ALX4: variants seen among roughly 807,000 people sequenced by gnomAD.
ALX4 encodes the protein ALX homeobox 4.
ALX4 carries 22 observed loss-of-function variants against 40.6 expected under a neutral mutation model. That is an observed-to-expected ratio of 0.54 (90% confidence interval 0.39 to 0.77). The LOEUF (loss-of-function observed/expected upper bound fraction) is 0.77. Ranked by LOEUF, ALX4 falls within the 30% of genes least tolerant of loss-of-function variation. ALX4 has a pLI of 0.00. For synonymous variants in ALX4, 266 were observed against 240.5 expected (o/e 1.11, Z -0.98); for missense variants, 556 against 564.8 (o/e 0.98, Z 0.16).
chr11:44,304,130 C>A (rs1165417175), intron 1 of ALX4, among the ~76,000 whole-genome samples: 1 of 152,232 alleles, frequency 6.6e-6, no homozygotes, highest in African/African-American at 2.4e-5. Flanking sequence ...ACTCGAATTC[C>A]CCCGGACGGT....
intron 1 of ALX4, among the ~76,000 whole-genome samples, chr11:44,299,208 C>T (rs1243182962): frequency 6.6e-6 from 1 of 152,166 alleles, no homozygotes; most frequent in African/African-American, 2.4e-5. Context: ...ACACTGTTTT[C>T]ACCTGGTACA....
rs376760377 is a variant in ALX4 at position 44,293,376 on chromosome 11, C to T, written c.466+16221G>A. 7.3e-5 allele frequency among the ~76,000 whole-genome samples: 11 copies of T among 150,918 alleles called. No individual in the cohort carries two copies. In the East Asian group the frequency reaches 2.2e-3, roughly 30 times the overall value. Reference sequence around the variant, plus strand: ...GGCGGATCACCTGAGGTCAGGAGTTCGAGACCAGCCTGGCCAACATGGCAA... The same window carrying T: ...GGCGGATCACCTGAGGTCAGGAGTTTGAGACCAGCCTGGCCAACATGGCAA... On this transcript the variant is annotated intron_variant, in intron 1 of 3. Transcript: ENST00000652299.
At chr11:44,307,187 G>T (rs1956473972) in intron 1 of ALX4, among the ~76,000 whole-genome samples, 1 of 152,148 alleles carries the variant, frequency 6.6e-6, no homozygotes, top group Non-Finnish European at 1.5e-5. Context: ...GGCAGGGGTA[G>T]CGGGGGCTCT....
chr11:44,307,093 G>A (rs1030501367), intron 1 of ALX4, among the ~76,000 whole-genome samples: 2 of 150,224 alleles, frequency 1.3e-5, no homozygotes, highest in East Asian at 4.0e-4. Context: ...GCAGGGACTT[G>A]CCCTGTCCTC....
intron 1 of ALX4, among the ~76,000 whole-genome samples, chr11:44,306,625 C>T (rs188538609): frequency 3.3e-5 from 5 of 152,378 alleles, no homozygotes; most frequent in Admixed American, 2.6e-4. Context: ...GCACCAAGGC[C>T]GCCCCTGCCT....
chr11:44,282,470 T>C (rs757438562), intron 1 of ALX4, among the ~76,000 whole-genome samples: 1 of 152,170 alleles, frequency 6.6e-6, no homozygotes, highest in Non-Finnish European at 1.5e-5. Flanking sequence ...CCTAGGTATT[T>C]ACCCTACAGA....
At chr11:44,285,364 A>G (rs901216568) in intron 1 of ALX4, among the ~76,000 whole-genome samples, 1 of 152,254 alleles carries the variant, frequency 6.6e-6, no homozygotes, top group African/African-American at 2.4e-5. Flanking sequence ...TAGCGAGAAC[A>G]ATCACTATTT....
At chr11:44,271,954 A>G (rs973934936) in intron 2 of ALX4, among the ~76,000 whole-genome samples, 2 of 152,198 alleles carry the variant, frequency 1.3e-5, no homozygotes, top group African/African-American at 4.8e-5. Context: ...CCACACCAAC[A>G]CAGCACCTAC....
intron 1 of ALX4, among the ~76,000 whole-genome samples, chr11:44,291,841 C>T (rs929110273): frequency 2.6e-5 from 4 of 152,190 alleles, no homozygotes; most frequent in Admixed American, 1.3e-4. Flanking sequence ...TTTATAGAGA[C>T]GGAGTCTCGC....
chr11:44,308,449 A>G (rs1956482331), intron 1 of ALX4, among the ~76,000 whole-genome samples: 1 of 152,166 alleles, frequency 6.6e-6, no homozygotes, highest in African/African-American at 2.4e-5. Flanking sequence ...TCTTCCCACC[A>G]GGGCCGGACC....
chr11:44,277,801 G>A (rs1273378093), intron 1 of ALX4, among the ~76,000 whole-genome samples: 1 of 152,174 alleles, frequency 6.6e-6, no homozygotes, highest in Non-Finnish European at 1.5e-5. Context: ...GCTTCAGGAG[G>A]CTGCTCCTGA....
intron 1 of ALX4, among the ~76,000 whole-genome samples, chr11:44,304,807 T>A (rs867098316): frequency 6.6e-6 from 1 of 152,206 alleles, no homozygotes; most frequent in Non-Finnish European, 1.5e-5. Flanking sequence ...CCTCCGGGAC[T>A]TCGCCGAGAT....
intron 1 of ALX4, among the ~76,000 whole-genome samples, chr11:44,298,619 C>T (rs985104183): frequency 6.6e-6 from 1 of 152,032 alleles, no homozygotes; most frequent in East Asian, 1.9e-4. Flanking sequence ...CTAGAGCCGA[C>T]CCCGGGGGCT....
chr11:44,265,078 G>A lies in ALX4; in HGVS notation c.1012C>T (p.Pro338Ser). Residue 338 changes from proline (P) to serine (S), a missense_variant, in exon 4 of 4, where the codon CCC becomes TCC. Physicochemically the swap from Pro to Ser is moderately conservative, Grantham distance 74 (BLOSUM62 -1). Transcript: ENST00000652299. ...ACGCTGCTGGCCCCAGAGCCAGGGGGGTGGGCATGAGGGGACATGCAGGCA... is the reference window on the plus strand; with the variant it reads ...ACGCTGCTGGCCCCAGAGCCAGGGGAGTGGGCATGAGGGGACATGCAGGCA... The part of the protein sequence containing the change: ...VPACMSPHAH[P>S]PGSGASSVTD... 6.2e-7 allele frequency: 1 copy of A among 1,613,008 alleles called. No individual in the cohort carries two copies. Among genetic ancestry groups the A allele is most frequent in the Non-Finnish European group, 8.5e-7 (1 of 1,179,928 alleles).
intron 1 of ALX4, among the ~76,000 whole-genome samples, chr11:44,308,483 G>C (rs1956482594): frequency 6.6e-6 from 1 of 152,262 alleles, no homozygotes; most frequent in Non-Finnish European, 1.5e-5. Context: ...CTCCGGGTAT[G>C]TGCTCAGGAC....
intron 2 of ALX4, 131 bp downstream of exon 2, chr11:44,275,217 A>T: frequency 2.2e-6 from 2 of 928,112 alleles, no homozygotes; most frequent in East Asian, 5.2e-5. Context: ...CCCCACTTTC[A>T]GGTTCTCAAT....
At position 44,275,659 on chromosome 11, in the gene ALX4, C is replaced by T; in HGVS notation, c.467-1G>A. On this transcript the variant is annotated splice_acceptor_variant, in intron 1 of 3. Transcript: ENST00000652299. LOFTEE classifies it high-confidence loss of function. The stretch of plus-strand genomic sequence containing the variant: ...GGCTCACCCAGGGAGCTCTCTTTAG[C>T]TGAGGGAGGAGGAAACAAAGTCAGA... 2 of 1,612,118 alleles carry T rather than the reference C, an allele frequency of 1.2e-6. No individual in the cohort carries two copies. Among genetic ancestry groups the T allele is most frequent in the Non-Finnish European group, 1.7e-6 (2 of 1,178,738 alleles).
In ALX4 at chr11:44,265,255, C is replaced by T. The variant is rs59194417; in HGVS notation, c.907-72G>A. The T allele has an allele frequency of 0.067, 89,842 of 1,347,980 alleles. 3,262 individuals carry two copies. Among genetic ancestry groups the T allele is most frequent in the African/African-American group, 0.088 (6,053 of 68,872 alleles). 83.5% of individuals were successfully genotyped at this position (1,347,980 alleles called of 1,614,324 possible). The stretch of plus-strand genomic sequence containing the variant: ...TGTGGAAGGGGCTCGCCCCTTCCCC[C>T]AGAGCACCTCTCCCCTCACTGTCCA... On this transcript the variant is annotated intron_variant, in intron 3 of 3. Transcript: ENST00000652299.
chr11:44,280,686 T>G (rs1002088445), intron 1 of ALX4, among the ~76,000 whole-genome samples: 3 of 152,350 alleles, frequency 2.0e-5, no homozygotes, highest in Admixed American at 6.5e-5. Flanking sequence ...GTAGTGAACC[T>G]ACATCACTGA....
Sources: allele counts gnomAD v4.1 joint callset (sites outside exome capture counted in the v4.1 genomes callset), GRCh38; gene constraint gnomAD v4.1.1; transcripts MANE v1.5; gene names NCBI Gene and HGNC (gene_info 2026-07-23, HGNC 2026-07-21).